VNN1: variants seen among roughly 807,000 people sequenced by gnomAD.
VNN1 encodes the protein pantetheinase.
VNN1 carries 29 observed loss-of-function variants against 41.9 expected under a neutral mutation model. That is an observed-to-expected ratio of 0.69 (90% CI 0.52 to 0.94). The LOEUF is 0.94. VNN1 is among the 40% of genes least tolerant of loss of function. VNN1 has a pLI of 0.00. For missense variants in VNN1, 637 were observed against 621.1 expected (o/e 1.03, Z -0.27); for synonymous variants, 233 against 224.4 (o/e 1.04, Z -0.34).
Position 132,695,128 on chromosome 6 carries a change from G to A in VNN1, c.342-946C>T, listed in dbSNP as rs529745935. ...GATCATGCCATTGCACTCCATCCTA[G>A]GCAACAAGAGTGAGACTCCATCTCA... On this transcript the variant is annotated intron_variant, in intron 2 of 6. Transcript: ENST00000367928. Among the ~76,000 whole-genome samples, 4 of 152,228 alleles carry A rather than the reference G, an allele frequency of 2.6e-5. No individual in the cohort carries two copies. In the South Asian group the frequency reaches 8.3e-4, roughly 32 times the overall value.
chr6:132,700,869 C>CA (rs950798632), intron 2 of VNN1, among the ~76,000 whole-genome samples: 70 of 151,004 alleles, frequency 4.6e-4, no homozygotes, highest in Middle Eastern at 3.4e-3. Context: ...GTTATAGTAG[C>CA]AAAAAAAACT....
intron 2 of VNN1, among the ~76,000 whole-genome samples, chr6:132,708,835 C>G (rs1778555138): frequency 6.6e-6 from 1 of 152,124 alleles, no homozygotes; most frequent in Non-Finnish European, 1.5e-5. Context: ...TTGCGCTCCT[C>G]CTGCCCTTCT....
intron 6 of VNN1, 23 bp downstream of exon 6, chr6:132,684,312 T>C (rs761970920): frequency 2.5e-6 from 4 of 1,597,344 alleles, no homozygotes; most frequent in Non-Finnish European, 3.4e-6. Flanking sequence ...TGAAACTAAT[T>C]GGCAATATTC....
rs754476421 is a variant in VNN1 at position 132,683,322 on chromosome 6, C to T, written c.1360G>A (p.Val454Met). 3.7e-6 allele frequency: 6 copies of T among 1,609,960 alleles called. No individual in the cohort carries two copies. The highest frequency in any genetic ancestry group is 3.3e-4 in the Middle Eastern group (2 of 6,052). Reference sequence around the variant, plus strand: ...CTAAACAAGCGTCCGTCAGTTGACACCTGATTAAAACAAAAAAGTAGGCAA... The same window carrying T: ...CTAAACAAGCGTCCGTCAGTTGACATCTGATTAAAACAAAAAAGTAGGCAA... ...ENQLAPGEFQ[V>M]STDGRLFSLK... Residue 454 changes from valine (V) to methionine (M), a missense_variant and splice_region_variant, in exon 7 of 7, where the codon GTG (valine) becomes ATG (methionine). Transcript: ENST00000367928.
chr6:132,696,161 A>T (rs1214392398), intron 2 of VNN1, among the ~76,000 whole-genome samples: 2 of 151,416 alleles, frequency 1.3e-5, no homozygotes, highest in African/African-American at 4.8e-5. Flanking sequence ...CCTAAAAAGA[A>T]TCTGGAGCTG....
intron 2 of VNN1, among the ~76,000 whole-genome samples, chr6:132,706,215 G>GA (rs545063101): frequency 1.3e-4 from 19 of 151,520 alleles, no homozygotes; most frequent in South Asian, 1.3e-3. Flanking sequence ...TAAGCAAAAA[G>GA]AAAAAAAACT....
chr6:132,710,237 A>G (rs1165262743), intron 2 of VNN1, among the ~76,000 whole-genome samples: 1 of 152,000 alleles, frequency 6.6e-6, no homozygotes, highest in East Asian at 1.9e-4. Flanking sequence ...TTTAGTAGAG[A>G]TGGGGTTTTG....
chr6:132,684,461 G>A lies in VNN1; in HGVS notation c.1233C>T (p.Cys411=), dbSNP rs142117770. ...TAGAAGCTGTTTCAGCTGAGTCACC[G>A]CAAGTGTTTAAATTAGTCGTTTTAC... is the stretch of plus-strand genomic sequence containing the variant. ...LKCKTTNLNT[C]GDSAETASTR... is the part of the protein sequence containing the mutation. Residue 411 remains cysteine, a synonymous_variant, in exon 6 of 7, where the codon TGC becomes TGT. Transcript: ENST00000367928. 14 of 1,613,932 alleles carry A rather than the reference G, an allele frequency of 8.7e-6. No individual in the cohort carries two copies. Among genetic ancestry groups the A allele is most frequent in the Admixed American group, 3.3e-5 (2 of 59,988 alleles).
chr6:132,684,623 A>G, intron 5 of VNN1, 118 bp from the exon 6 acceptor site: 2 of 782,696 alleles, frequency 2.6e-6, no homozygotes, highest in Non-Finnish European at 3.7e-6. Context: ...ATACACTGTA[A>G]AGATATACAA....
intron 5 of VNN1, 102 bp downstream of exon 5, chr6:132,692,121 T>G: frequency 7.8e-6 from 10 of 1,289,450 alleles, no homozygotes; most frequent in African/African-American, 1.5e-5. Context: ...CCCAAAAGTG[T>G]GATATGCTTA....
At chr6:132,695,133 C>A (rs1319589118) in intron 2 of VNN1, among the ~76,000 whole-genome samples, 1 of 151,986 alleles carries the variant, frequency 6.6e-6, no homozygotes, top group East Asian at 1.9e-4. Context: ...TCCTAGGCAA[C>A]AAGAGTGAGA....
chr6:132,708,345 A>C (rs1012403800), intron 2 of VNN1, among the ~76,000 whole-genome samples: 1 of 152,186 alleles, frequency 6.6e-6, no homozygotes, highest in South Asian at 2.1e-4. Flanking sequence ...GTTTGTTGTT[A>C]GAACTAAAGT....
intron 2 of VNN1, among the ~76,000 whole-genome samples, chr6:132,708,460 G>A (rs1166451582): frequency 6.6e-6 from 1 of 152,156 alleles, no homozygotes; most frequent in Non-Finnish European, 1.5e-5. Context: ...AAAGTGATGA[G>A]AGCCTGTTCC....
intron 2 of VNN1, among the ~76,000 whole-genome samples, chr6:132,695,352 A>C (rs1582772117): frequency 1.3e-5 from 2 of 152,168 alleles, no homozygotes; most frequent in Non-Finnish European, 2.9e-5. Context: ...ATTTCAGTCC[A>C]TTTTAGCTCT....
intron 2 of VNN1, among the ~76,000 whole-genome samples, chr6:132,703,895 A>G (rs990912943): frequency 1.3e-5 from 2 of 152,214 alleles, no homozygotes; most frequent in Non-Finnish European, 2.9e-5. Context: ...AAACAAAAGG[A>G]GCAGGGGTAG....
chr6:132,711,585 G>A, intron 2 of VNN1, 124 bp downstream of exon 2: 1 of 1,166,750 alleles, frequency 8.6e-7, no homozygotes. Flanking sequence ...CATAGTAGAT[G>A]AAAAATAAGC....
rs1778174582 is a variant in VNN1 at position 132,684,314 on chromosome 6, GC to G, written c.1359+20del. 13 of 1,596,714 alleles carry G rather than the reference GC, an allele frequency of 8.1e-6. No individual in the cohort carries two copies. The highest frequency in any genetic ancestry group is 1.1e-5 in the Non-Finnish European group (13 of 1,169,006). On this transcript the variant is annotated intron_variant, in intron 6 of 6. Coordinates refer to ENST00000367928, the MANE Select transcript of VNN1 (RefSeq NM_004666.3). ...GCTTCCTCTTACATGAAACTAATTGGCAATATTCGAAGATTCTTACCTGAAA... is the reference window on the plus strand; with the variant it reads ...GCTTCCTCTTACATGAAACTAATTGGAATATTCGAAGATTCTTACCTGAAA...
chr6:132,712,764 T>A (rs1010385170), intron 1 of VNN1, among the ~76,000 whole-genome samples: 3 of 152,152 alleles, frequency 2.0e-5, no homozygotes, highest in Non-Finnish European at 4.4e-5. Flanking sequence ...AAAAGCTCTG[T>A]GACCTTCAAG....
intron 2 of VNN1, among the ~76,000 whole-genome samples, chr6:132,694,844 C>T (rs1396779588): frequency 6.6e-6 from 1 of 151,440 alleles, no homozygotes; most frequent in Non-Finnish European, 1.5e-5. Context: ...CAGAGCAAAA[C>T]CCTGTCTCAA....
Sources: gnomAD v4.1 joint callset for allele counts (sites outside exome capture counted in the v4.1 genomes callset) on GRCh38, gnomAD v4.1.1 for gene constraint, MANE v1.5 for transcripts, NCBI Gene and HGNC (gene_info 2026-07-23, HGNC 2026-07-21) for gene names.